NUP153: variants seen among roughly 807,000 people sequenced by gnomAD.
NUP153 encodes the protein nucleoporin 153.
A neutral mutation model predicts 134.6 loss-of-function variants in NUP153; 27 were observed. The observed-to-expected ratio is 0.20, with a 90% CI of 0.15 to 0.28. The LOEUF (loss-of-function observed/expected upper bound fraction) is 0.28, where lower values mean the gene tolerates loss of function less well. Among genes scored for constraint, NUP153 ranks in the 10% least tolerant of loss-of-function variants. The pLI is 1.00. For missense variants in NUP153, 1,821 were observed against 1,731.3 expected (o/e 1.05, Z -0.92); for synonymous variants, 640 against 623.5 (o/e 1.03, Z -0.40).
intron 18 of NUP153, among the ~76,000 whole-genome samples, chr6:17,626,903 G>A (rs565144092): frequency 3.3e-5 from 5 of 152,260 alleles, no homozygotes; most frequent in African/African-American, 1.2e-4. Flanking sequence ...TATGCCTTTT[G>A]TGTTCTTTTA....
In NUP153 at chr6:17,628,178, T is replaced by G. The variant is rs1378023849; in HGVS notation, c.3544+477A>C. Among the ~76,000 whole-genome samples the G allele has an allele frequency of 6.6e-6, 1 of 152,236 alleles. No homozygotes were observed. Among genetic ancestry groups the G allele is most frequent in the Admixed American group, 6.5e-5 (1 of 15,278 alleles). ...GCTATGTCATTTTTTTCCCCAGGACTTCAGCTTTCAAAATCTCTTGTTTTC... is the reference window on the plus strand; with the variant it reads ...GCTATGTCATTTTTTTCCCCAGGACGTCAGCTTTCAAAATCTCTTGTTTTC... On this transcript the variant is annotated intron_variant, in intron 18 of 21. Transcript: ENST00000262077. The surrounding 1 kb of genome is among the most constrained non-coding windows in gnomAD (Gnocchi z 5.4).
intron 20 of NUP153, among the ~76,000 whole-genome samples, chr6:17,617,644 A>C (rs1764403180): frequency 6.6e-6 from 1 of 152,024 alleles, no homozygotes; most frequent in Non-Finnish European, 1.5e-5. Flanking sequence ...GGAGTTTGAG[A>C]ACAACCTAGG....
chr6:17,665,185 TCTTA>T, intron 9 of NUP153, 50 bp downstream of exon 9: 4 of 1,338,640 alleles, frequency 3.0e-6, no homozygotes, highest in Non-Finnish European at 1.1e-6. Flanking sequence ...CATTATTTAG[TCTTA>T]CTTATTCTAA....
chr6:17,694,428 G>T (rs972402738), intron 1 of NUP153, among the ~76,000 whole-genome samples: 3 of 152,166 alleles, frequency 2.0e-5, no homozygotes, highest in Non-Finnish European at 4.4e-5. Context: ...GGAGGCCGAC[G>T]CGGGCGGATT....
rs1480062023 is a variant in NUP153, at chr6:17,616,587, G to A, written c.4283C>T (p.Ala1428Val). The change falls in exon 21 of 22, where the codon GCC (alanine) becomes GTC (valine). Residue 1428 changes from alanine to valine, a missense_variant. Ala to Val is a moderately conservative substitution (Grantham distance 64). Coordinates refer to ENST00000262077, the MANE Select transcript of NUP153 (RefSeq NM_005124.4). The stretch of plus-strand genomic sequence containing the variant: ...AAAGCCCCCCGAGCCTGAAGGCTGG[G>A]CTGAGGCTGCAGGTGTGCTAGAATT... ...GANSSTPAASAQPSGSGGFPF... is the reference protein window; with the variant it reads ...GANSSTPAASVQPSGSGGFPF... 1 of 1,614,202 alleles carries A rather than the reference G, an allele frequency of 6.2e-7. No homozygotes were observed. Among genetic ancestry groups the A allele is most frequent in the Middle Eastern group, 1.6e-4 (1 of 6,062 alleles).
chr6:17,657,395 AAAAAAT>A (rs1396935835), intron 11 of NUP153, among the ~76,000 whole-genome samples: 2 of 148,834 alleles, frequency 1.3e-5, no homozygotes, highest in African/African-American at 5.1e-5. Context: ...TAAAAAAATA[AAAAAAT>A]AAAAAAAAAA....
intron 13 of NUP153, 77 bp from the exon 14 acceptor site, chr6:17,646,231 G>T (rs529047552): frequency 5.5e-6 from 4 of 729,042 alleles, no homozygotes; most frequent in African/African-American, 1.8e-5. Flanking sequence ...CCCCCGAGAC[G>T]GAGTCTTACT....
At chr6:17,640,165 T>C (rs1443126034) in intron 14 of NUP153, 101 bp from the exon 15 acceptor site, 6 of 912,328 alleles carry the variant, frequency 6.6e-6, no homozygotes, top group Non-Finnish European at 9.2e-6. Context: ...GATTAATTTC[T>C]AAAAGTTCAT....
At chr6:17,622,834 T>C (rs984603662) in intron 20 of NUP153, among the ~76,000 whole-genome samples, 15 of 152,098 alleles carry the variant, frequency 9.9e-5, no homozygotes, top group African/African-American at 3.1e-4. Flanking sequence ...AGTGTCTCTA[T>C]ATTAAGCAGA....
rs772695508 is a variant in NUP153, at chr6:17,625,784, GC to G, written c.3901+23del. On this transcript the variant is annotated intron_variant, in intron 19 of 21. Coordinates refer to ENST00000262077, the MANE Select transcript of NUP153 (RefSeq NM_005124.4). The surrounding 1 kb of genome is among the most constrained non-coding windows in gnomAD (Gnocchi z 4.7). ...TAAGTAAAGTCCATCCAATTACAAT[GC>G]ATTTTTTCTTTTGTAAATGTACCTG... 3 of 1,522,740 alleles carry G rather than the reference GC, an allele frequency of 2.0e-6. No homozygotes were observed. The East Asian group carries it at 6.8e-5, about 34-fold the overall frequency. The allele number at this position is 1,522,740 out of a possible 1,614,324, so 94.3% of individuals were successfully genotyped here. A position where few individuals can be genotyped will look rare whatever the true frequency, so the allele number is the denominator to read the frequency against.
intron 2 of NUP153, among the ~76,000 whole-genome samples, chr6:17,682,240 TA>T (rs373576612): frequency 5.7e-4 from 87 of 151,570 alleles, no homozygotes; most frequent in African/African-American, 1.0e-3. Context: ...CATACCTACT[TA>T]AAAAAAAATT....
intron 11 of NUP153, chr6:17,651,999 G>T: frequency 2.0e-6 from 1 of 502,626 alleles, no homozygotes; most frequent in South Asian, 3.0e-5. Context: ...GGAGGCTCAG[G>T]TGGCCACGCC....
At chr6:17,690,689 A>G (rs1769222684) in intron 1 of NUP153, among the ~76,000 whole-genome samples, 1 of 152,200 alleles carries the variant, frequency 6.6e-6, no homozygotes, top group African/African-American at 2.4e-5. Flanking sequence ...AAGAAAGGAA[A>G]AAAATGACTC....
chr6:17,620,858 AG>A (rs1764612662), intron 20 of NUP153, among the ~76,000 whole-genome samples: 1 of 152,228 alleles, frequency 6.6e-6, no homozygotes, highest in Non-Finnish European at 1.5e-5. Context: ...AAACAAAAAT[AG>A]ACAAGAGGGA....
intron 11 of NUP153, among the ~76,000 whole-genome samples, chr6:17,655,475 A>AT (rs1766760806): frequency 6.7e-6 from 1 of 149,946 alleles, no homozygotes; most frequent in East Asian, 2.0e-4. Context: ...TTTTTTTAAG[A>AT]CAAAGTCTCA....
At chr6:17,617,465 TAAA>T (rs71002233) in intron 20 of NUP153, among the ~76,000 whole-genome samples, 9 of 105,762 alleles carry the variant, frequency 8.5e-5, no homozygotes, top group Non-Finnish European at 1.3e-4. Flanking sequence ...TAGTGGGAAT[TAAA>T]AAAAAAAAAA....
intron 1 of NUP153, among the ~76,000 whole-genome samples, chr6:17,690,462 A>G (rs1365279216): frequency 6.6e-6 from 1 of 152,190 alleles, no homozygotes; most frequent in Non-Finnish European, 1.5e-5. Flanking sequence ...TACTCTAGGT[A>G]AAATAACACT....
chr6:17,706,817 T>G lies in NUP153; in HGVS notation c.-430A>C. 5.9e-6 allele frequency: 1 copy of G among 170,852 alleles called. No homozygotes were observed. Among genetic ancestry groups the G allele is most frequent in the Non-Finnish European group, 1.3e-5 (1 of 79,316 alleles). The allele number at this position is 170,852 out of a possible 1,614,324, so 10.6% of individuals were successfully genotyped here. On this transcript the variant is annotated 5_prime_UTR_variant, in exon 1 of 22. Coordinates refer to ENST00000262077, the MANE Select transcript of NUP153 (RefSeq NM_005124.4). The surrounding 1 kb of genome is among the most constrained non-coding windows in gnomAD (Gnocchi z 5.9). ...GCGACGCCCGCCTACCCCTCCCCTGTGCGCACAGCGCCCGCCCCGCCGCCG... is the reference window on the plus strand; with the variant it reads ...GCGACGCCCGCCTACCCCTCCCCTGGGCGCACAGCGCCCGCCCCGCCGCCG...
intron 2 of NUP153, among the ~76,000 whole-genome samples, chr6:17,683,427 GAAC>G (rs1485213362): frequency 1.3e-5 from 2 of 152,198 alleles, no homozygotes; most frequent in Non-Finnish European, 2.9e-5. Flanking sequence ...TCAAGCATCA[GAAC>G]AACATTAATC....
Sources: gnomAD v4.1 joint callset for allele counts (sites outside exome capture counted in the v4.1 genomes callset) on GRCh38, gnomAD v4.1.1 for gene constraint, Gnocchi (gnomAD v3.1) non-coding constraint, MANE v1.5 for transcripts, NCBI Gene and HGNC (gene_info 2026-07-23, HGNC 2026-07-21) for gene names.